The following CRB1 variants were observed in gnomAD, a reference collection of about 807,000 sequenced individuals.
CRB1 encodes protein crumbs homolog 1.
Under a neutral mutation model 120.0 loss-of-function variants are expected in CRB1, and 83 were observed. The observed-to-expected ratio is 0.69, with a 90% CI of 0.58 to 0.83. The LOEUF is 0.83. Ranked by LOEUF, CRB1 falls within the 40% of genes least tolerant of loss-of-function variation. CRB1 has a pLI of 0.00. For missense variants in CRB1, 1,699 were observed against 1,687.6 expected (o/e 1.01, Z -0.12); for synonymous variants, 625 against 612.5 (o/e 1.02, Z -0.30).
chr1:197,400,727 T>C (rs1289817635), intron 5 of CRB1, among the ~76,000 whole-genome samples: 2 of 152,176 alleles, frequency 1.3e-5, no homozygotes, highest in African/African-American at 4.8e-5. Flanking sequence ...TCAGATACTA[T>C]CCAGCCCTGA....
At chr1:197,213,784 A>G in the CRB1 span, among the ~76,000 whole-genome samples, 1 of 152,200 alleles carries the variant, frequency 6.6e-6, no homozygotes, top group Non-Finnish European at 1.5e-5. Context: ...TGAACAACCA[A>G]TGGTTCAAAA....
chr1:197,365,626 C>CTTTTTT (rs375542477), intron 5 of CRB1, among the ~76,000 whole-genome samples: 15 of 121,872 alleles, frequency 1.2e-4, no homozygotes, highest in African/African-American at 4.9e-4. Context: ...TCTTCTTCTT[C>CTTTTTT]TTTTTTTTTT....
intron 5 of CRB1, chr1:197,413,756 A>G: frequency 3.6e-6 from 1 of 276,972 alleles, no homozygotes; most frequent in South Asian, 3.5e-5. Flanking sequence ...AGCACAAATG[A>G]GTCTTACACT....
At chr1:197,302,455 C>T (rs921846366) in intron 1 of CRB1, among the ~76,000 whole-genome samples, 1 of 151,984 alleles carries the variant, frequency 6.6e-6, no homozygotes, top group African/African-American at 2.4e-5. Flanking sequence ...TGGAACTGAA[C>T]CTACAATATC....
At position 197,419,557 on chromosome 1, in the gene CRB1, T is replaced by C. The variant is rs140459731; in HGVS notation, c.1172-1443T>C. Among the ~76,000 whole-genome samples, 14 of 152,154 alleles carry C rather than the reference T, an allele frequency of 9.2e-5. No homozygotes were observed. The East Asian group carries it at 2.3e-3, about 25-fold the overall frequency. ...TTTGTATTTTTAGTAAAGATAGGAT[T>C]TCACCATGTTGGCCAGGCTGATCTG... is the stretch of plus-strand genomic sequence containing the variant. On this transcript the variant is annotated intron_variant, in intron 5 of 11. Coordinates refer to ENST00000367400, the MANE Select transcript of CRB1 (RefSeq NM_201253.3).
chr1:197,359,989 C>T (rs1660689935), intron 5 of CRB1, among the ~76,000 whole-genome samples: 1 of 152,068 alleles, frequency 6.6e-6, no homozygotes, highest in Non-Finnish European at 1.5e-5. Context: ...CATACAGACC[C>T]TGGGCGTTTT....
chr1:197,324,256 AC>A (rs1658369228), intron 1 of CRB1, among the ~76,000 whole-genome samples: 1 of 151,912 alleles, frequency 6.6e-6, no homozygotes, highest in Non-Finnish European at 1.5e-5. Context: ...ATTTCTCAGA[AC>A]CCCCAAAACT....
At chr1:197,409,869 G>A (rs1663609848) in intron 5 of CRB1, among the ~76,000 whole-genome samples, 2 of 152,034 alleles carry the variant, frequency 1.3e-5, no homozygotes, top group East Asian at 1.9e-4. Context: ...TGCAAGCTCC[G>A]CCTCCAGGGG....
chr1:197,443,092 C>G (rs1665533198), intron 11 of CRB1: 1 of 146,164 alleles, frequency 6.8e-6, no homozygotes, highest in African/African-American at 2.5e-5. Context: ...CCACTGCACT[C>G]CAGCCTGGGC....
At chr1:197,204,286 C>A in the CRB1 span, among the ~76,000 whole-genome samples, 2 of 152,176 alleles carry the variant, frequency 1.3e-5, no homozygotes, top group African/African-American at 4.8e-5. Flanking sequence ...ATAATGACTT[C>A]TTTTCCTCTG....
intron 1 of CRB1, among the ~76,000 whole-genome samples, chr1:197,284,030 A>G (rs1655684894): frequency 6.6e-6 from 1 of 151,896 alleles, no homozygotes. Context: ...GGTTTGAATC[A>G]TTTTACTTAA....
intron 9 of CRB1, among the ~76,000 whole-genome samples, chr1:197,436,742 A>G (rs1211695343): frequency 6.6e-6 from 1 of 152,116 alleles, no homozygotes; most frequent in Non-Finnish European, 1.5e-5. Context: ...CAGATAAACT[A>G]ATTTGCATTT....
intron 2 of CRB1, among the ~76,000 whole-genome samples, chr1:197,342,458 C>T (rs1659523201): frequency 6.6e-6 from 1 of 152,208 alleles, no homozygotes; most frequent in African/African-American, 2.4e-5. Flanking sequence ...TTTCTACCTT[C>T]TTCTCGTCTA....
In CRB1 at chr1:197,436,819, C is replaced by G. The variant is rs1665183620; in HGVS notation, c.3749+1207C>G. 2.6e-5 allele frequency among the ~76,000 whole-genome samples: 4 copies of G among 151,956 alleles called. No homozygotes were observed. In the South Asian group the frequency reaches 8.3e-4, roughly 32 times the overall value. On this transcript the variant is annotated intron_variant, in intron 9 of 11. Coordinates refer to ENST00000367400, the MANE Select transcript of CRB1 (RefSeq NM_201253.3). ...TACAGAATTGTAATAAGGCACAGAC[C>G]ACTGCAAAAGTGGATAATCCTGGAT...
intron 4 of CRB1, among the ~76,000 whole-genome samples, chr1:197,353,144 T>A (rs1001631721): frequency 6.6e-6 from 1 of 152,190 alleles, no homozygotes; most frequent in African/African-American, 2.4e-5. Context: ...TTGGGTGGCA[T>A]GAGAGAAAAT....
At chr1:197,401,163 C>T (rs1663046664) in intron 5 of CRB1, among the ~76,000 whole-genome samples, 1 of 151,998 alleles carries the variant, frequency 6.6e-6, no homozygotes, top group Non-Finnish European at 1.5e-5. Context: ...TGCCTTGCTC[C>T]TACCTTCTCA....
chr1:197,254,943 A>G, the CRB1 span, among the ~76,000 whole-genome samples: 18 of 152,052 alleles, frequency 1.2e-4, no homozygotes, highest in African/African-American at 4.1e-4. Flanking sequence ...AATTTTTTTC[A>G]TGTGCCACCA....
the CRB1 span, among the ~76,000 whole-genome samples, chr1:197,203,071 TA>T: frequency 1.3e-5 from 2 of 152,000 alleles, no homozygotes; most frequent in African/African-American, 2.4e-5. Flanking sequence ...CATTTAAAAA[TA>T]AACGTGTAAT....
chr1:197,455,167 A>G lies in CRB1; in HGVS notation c.4005+12875A>G, dbSNP rs12090210. ...TTCTGGGCAAACTAGGACATATCCT[A>G]GTTATTACCCACCCAGGAGAATGCA... On this transcript the variant is annotated intron_variant, in intron 11 of 11. Transcript: ENST00000367400. 7.2e-3 allele frequency among the ~76,000 whole-genome samples: 1,092 copies of G among 152,254 alleles called. 6 individuals are homozygous for G. The highest frequency in any genetic ancestry group is 0.022 in the African/African-American group (914 of 41,548).
Sources: allele counts gnomAD v4.1 joint callset (sites outside exome capture counted in the v4.1 genomes callset), GRCh38; gene constraint gnomAD v4.1.1; transcripts MANE v1.5; gene names NCBI Gene and HGNC (gene_info 2026-07-23, HGNC 2026-07-21).